POLG2: variants seen among roughly 807,000 people sequenced by gnomAD.
The protein encoded by POLG2 is DNA polymerase gamma 2, accessory subunit, also known as DNA polymerase subunit gamma-2.
In POLG2, 50 loss-of-function variants were observed where a neutral mutation model predicts 56.5. The ratio of observed to expected loss-of-function variants is 0.88; its 90% CI spans 0.71 to 1.12. The LOEUF is 1.12. Among genes scored for constraint, POLG2 ranks in the 50% most tolerant of loss-of-function variants. POLG2 has a pLI of 0.00. For synonymous variants in POLG2, 226 were observed against 222.6 expected (o/e 1.02, Z -0.14); for missense variants, 584 against 583.3 (o/e 1.00, Z -0.01).
At chr17:64,487,275 T>C (rs2037974108) in intron 4 of POLG2, 3 of 152,238 alleles carry the variant, frequency 2.0e-5, no homozygotes, top group African/African-American at 7.2e-5. Flanking sequence ...GGGACTCTAT[T>C]CTACCAGTTG....
At chr17:64,493,785 A>G (rs1352199087) in intron 1 of POLG2, among the ~76,000 whole-genome samples, 1 of 152,172 alleles carries the variant, frequency 6.6e-6, no homozygotes, top group African/African-American at 2.4e-5. Context: ...CGCGCCCGAC[A>G]AAGATTTTCA....
rs782794876 is a variant in POLG2 at position 64,496,650 on chromosome 17, G to A, written c.319C>T (p.Arg107Trp). Residue 107 changes from arginine to tryptophan, a missense_variant, in exon 1 of 8, where the codon CGG becomes TGG. Physicochemically the swap from Arg to Trp is moderately radical, Grantham distance 101. Transcript: ENST00000539111. The part of the protein sequence containing the change: ...PGFGPLGVEL[R>W]KNLAAEWWTS... ...CACCATTCTGCGGCCAGGTTCTTCC[G>A]CAACTCTACGCCCAAGGGTCCGAAG... 2.3e-5 allele frequency: 37 copies of A among 1,613,780 alleles called. No homozygotes were observed. Among genetic ancestry groups the A allele is most frequent in the Non-Finnish European group, 1.7e-6 (2 of 1,179,992 alleles).
In POLG2 at chr17:64,496,818, C is replaced by T; in HGVS notation, c.151G>A (p.Glu51Lys). Residue 51 changes from glutamate to lysine, a missense_variant, in exon 1 of 8, where the codon GAG becomes AAG. By Grantham distance (56) the Glu-to-Lys change is moderately conservative (BLOSUM62 1). Transcript: ENST00000539111. ...GGHVKSHAELEGNGEHPEAPG... is the reference protein window; with the variant it reads ...GGHVKSHAELKGNGEHPEAPG... ...GCTTCTGGGTGCTCGCCGTTCCCCT[C>T]GAGCTCCGCGTGCGACTTCACATGC... 1.2e-6 allele frequency: 2 copies of T among 1,613,866 alleles called. No homozygotes were observed. The highest frequency in any genetic ancestry group is 1.1e-5 in the South Asian group (1 of 91,076).
chr17:64,493,081 T>C, intron 1 of POLG2, 60 bp from the exon 2 acceptor site: 1 of 1,551,510 alleles, frequency 6.4e-7, no homozygotes. Context: ...ATCATTTTTG[T>C]CAATAGACAC....
rs782780913 is a variant in POLG2 at position 64,496,625 on chromosome 17, C to T, written c.344G>A (p.Trp115Ter). The T allele has an allele frequency of 6.2e-7, 1 of 1,614,024 alleles. No individual in the cohort carries two copies. The highest frequency in any genetic ancestry group is 1.1e-5 in the South Asian group (1 of 91,056). Reference sequence around the variant, plus strand: ...CTCCCTGAACACCACCACCGAGGTCCACCATTCTGCGGCCAGGTTCTTCCG... The same window carrying T: ...CTCCCTGAACACCACCACCGAGGTCTACCATTCTGCGGCCAGGTTCTTCCG... ...ELRKNLAAEWWTSVVVFREQV... is the reference protein window; with the variant it reads ...ELRKNLAAEW Residue 115 changes from tryptophan to a stop codon, truncating the protein, a stop_gained, in exon 1 of 8, where the codon TGG becomes TAG. Transcript: ENST00000539111. LOFTEE classifies it high-confidence loss of function.
chr17:64,484,960 A>C (rs1598124327), intron 5 of POLG2, among the ~76,000 whole-genome samples: 2 of 151,900 alleles, frequency 1.3e-5, no homozygotes, highest in Non-Finnish European at 2.9e-5. Context: ...TTAAACCCCC[A>C]CTCTTCCACA....
chr17:64,493,165 C>T (rs2038092914), intron 1 of POLG2, 144 bp from the exon 2 acceptor site: 3 of 909,392 alleles, frequency 3.3e-6, no homozygotes, highest in Admixed American at 3.9e-5. Flanking sequence ...CGCCTATAAT[C>T]CCAGCACTTT....
chr17:64,479,467 G>A (rs1267957033), intron 7 of POLG2, among the ~76,000 whole-genome samples: 2 of 152,098 alleles, frequency 1.3e-5, no homozygotes, highest in Admixed American at 6.6e-5. Context: ...TTACAGGTGT[G>A]AGCCACTGCG....
chr17:64,494,892 G>A (rs2038123701), intron 1 of POLG2, among the ~76,000 whole-genome samples: 1 of 152,214 alleles, frequency 6.6e-6, no homozygotes, highest in African/African-American at 2.4e-5. Context: ...AAGATCTGGA[G>A]GCCGGGCGCA....
At chr17:64,496,074 T>A (rs1178027854) in intron 1 of POLG2, among the ~76,000 whole-genome samples, 1 of 152,220 alleles carries the variant, frequency 6.6e-6, no homozygotes, top group Non-Finnish European at 1.5e-5. Flanking sequence ...TTACTTAGAA[T>A]AAATCTAAGA....
At chr17:64,492,841 G>T in intron 2 of POLG2, 54 bp downstream of exon 2, 2 of 1,606,466 alleles carry the variant, frequency 1.2e-6, no homozygotes, top group South Asian at 2.2e-5. Flanking sequence ...AAGTGGAAAT[G>T]ACTGGTTTTT....
rs994126357 is a variant in POLG2, at chr17:64,485,807, C to T, written c.1031G>A (p.Arg344Gln). ...ATCATAGAGGTAGGCCAGCATGCCT[C>T]GGTCTAGGTCCCCATTTACAGAGAG... ...CVLSVNGDLD[R>Q]GMLAYLYDSF... The change falls in exon 5 of 8, where the codon CGA becomes CAA. Residue 344 changes from arginine (R) to glutamine (Q), a missense_variant. Physicochemically the swap from Arg to Gln is conservative, Grantham distance 43. Coordinates refer to ENST00000539111, the MANE Select transcript of POLG2 (RefSeq NM_007215.4). 9.3e-6 allele frequency: 15 copies of T among 1,612,932 alleles called. No individual in the cohort carries two copies. Among genetic ancestry groups the T allele is most frequent in the Middle Eastern group, 3.3e-4 (2 of 6,082 alleles).
At chr17:64,492,583 T>G in intron 3 of POLG2, 84 bp downstream of exon 3, 1 of 765,578 alleles carries the variant, frequency 1.3e-6, no homozygotes, top group Non-Finnish European at 2.2e-6. Flanking sequence ...CAAATATAAT[T>G]TCTTGTATGT....
At chr17:64,486,578 G>A (rs2037960390) in intron 4 of POLG2, among the ~76,000 whole-genome samples, 2 of 152,074 alleles carry the variant, frequency 1.3e-5, no homozygotes, top group South Asian at 2.1e-4. Flanking sequence ...TGGCCAGGTT[G>A]TTCTCAAACT....
chr17:64,479,147 A>G (rs1322447703), intron 7 of POLG2, among the ~76,000 whole-genome samples: 1 of 151,890 alleles, frequency 6.6e-6, no homozygotes, highest in African/African-American at 2.4e-5. Flanking sequence ...CTCTAATTAT[A>G]GAAAACTACT....
rs1555667300 is a variant in POLG2, at chr17:64,485,659, A to C, written c.1110+69T>G. 9 of 1,204,748 alleles carry C rather than the reference A, an allele frequency of 7.5e-6. No homozygotes were observed. The East Asian group carries it at 2.1e-4, about 28-fold the overall frequency. The allele number at this position is 1,204,748 out of a possible 1,614,324, so 74.6% of individuals were successfully genotyped here. On this transcript the variant is annotated intron_variant, in intron 5 of 7. Coordinates refer to ENST00000539111, the MANE Select transcript of POLG2 (RefSeq NM_007215.4). ...AGAGTTTATGTTAGAAACCGAGCAC[A>C]CTAACATTAAGAACAAACAAACCCA... is the stretch of plus-strand genomic sequence containing the variant.
At chr17:64,479,215 GCT>G (rs1368209111) in intron 7 of POLG2, among the ~76,000 whole-genome samples, 1 of 137,506 alleles carries the variant, frequency 7.3e-6, no homozygotes, top group East Asian at 2.1e-4. Flanking sequence ...AAGGAGTCTC[GCT>G]CTGTCACCCA....
intron 5 of POLG2, chr17:64,485,399 TTCC>T (rs1369763560): frequency 9.7e-6 from 3 of 308,518 alleles, no homozygotes; most frequent in Admixed American, 9.5e-5. Flanking sequence ...CGGGTCTTTC[TTCC>T]TCCTATGTAC....
In POLG2 at chr17:64,485,224, G is replaced by A. The variant is rs112059659; in HGVS notation, c.1110+504C>T. On this transcript the variant is annotated intron_variant, in intron 5 of 7. Transcript: ENST00000539111. ...TCCTATAACTTCAACTTCTCCTCTC[G>A]ATTTTCTTTGACCCATAAACATGCT... 246 of 156,154 alleles carry A rather than the reference G, an allele frequency of 1.6e-3. 1 individual carries two copies. The highest frequency in any genetic ancestry group is 3.9e-3 in the African/African-American group (161 of 41,384). 9.7% of individuals were successfully genotyped at this position (156,154 alleles called of 1,614,324 possible). A position where few individuals can be genotyped will look rare whatever the true frequency, so the allele number is the denominator to read the frequency against.
Sources: allele counts gnomAD v4.1 joint callset (sites outside exome capture counted in the v4.1 genomes callset), GRCh38; gene constraint gnomAD v4.1.1; transcripts MANE v1.5; gene names NCBI Gene and HGNC (gene_info 2026-07-23, HGNC 2026-07-21).